The following BHMT2 variants were observed in gnomAD, a reference collection of about 807,000 sequenced individuals.
BHMT2 encodes the protein betaine--homocysteine S-methyltransferase 2.
Under a neutral mutation model 39.0 loss-of-function variants are expected in BHMT2, and 28 were observed. The ratio of observed to expected loss-of-function variants is 0.72; its 90% CI spans 0.53 to 0.98. The LOEUF (loss-of-function observed/expected upper bound fraction) is 0.98, where lower values mean the gene tolerates loss of function less well. BHMT2 is among the 50% of genes least tolerant of loss of function. BHMT2 has a pLI of 0.00. For synonymous variants in BHMT2, 145 were observed against 160.6 expected (o/e 0.90, Z 0.74); for missense variants, 410 against 455.6 (o/e 0.90, Z 0.91).
chr5:79,083,610 T>C lies in BHMT2; in HGVS notation c.782-18T>C, dbSNP rs370564670. 1.1e-5 allele frequency: 18 copies of C among 1,612,616 alleles called. No homozygotes were observed. The African/African-American group carries it at 2.4e-4, about 22-fold the overall frequency. On this transcript the variant is annotated intron_variant, in intron 6 of 7. Transcript: ENST00000255192. The stretch of plus-strand genomic sequence containing the variant: ...AATGAGAACAGTAACAGAAATGCTG[T>C]TAACTATTGTGATTCAGGACTGGAG...
Position 79,080,869 on chromosome 5 carries a change from G to T in BHMT2, c.441G>T (p.Leu147Phe), listed in dbSNP as rs780305116. ...TTGCCTGGAAAAATGTGGACTTCTT[G>T]ATTGCAGAGGTGAGGCTAGTATTGG... ...EVFAWKNVDF[L>F]IAEYFEHVEE... The change falls in exon 4 of 8, where the codon TTG (leucine) becomes TTT (phenylalanine). Residue 147 changes from leucine to phenylalanine, a missense_variant. Transcript: ENST00000255192. 6.3e-7 allele frequency: 1 copy of T among 1,593,206 alleles called. No homozygotes were observed. Among genetic ancestry groups the T allele is most frequent in the East Asian group, 2.3e-5 (1 of 44,052 alleles).
chr5:79,076,313 G>A (rs113494084), intron 1 of BHMT2, among the ~76,000 whole-genome samples: 1,539 of 152,150 alleles, frequency 0.01, 17 homozygotes, highest in African/African-American at 0.029. Context: ...TCCTCTCAAC[G>A]TCCAGCTGCT....
chr5:79,078,059 A>C (rs1755710946), intron 2 of BHMT2: 1 of 152,816 alleles, frequency 6.5e-6, no homozygotes. Context: ...ATGAATATTT[A>C]CCTTGTAGAT....
intron 7 of BHMT2, among the ~76,000 whole-genome samples, chr5:79,086,405 T>G (rs796376683): frequency 3.9e-4 from 60 of 152,174 alleles, no homozygotes; most frequent in African/African-American, 1.4e-3. Flanking sequence ...GCCACCTCCT[T>G]TTAACTTCTG....
At chr5:79,082,120 A>T (rs894933652) in intron 4 of BHMT2, among the ~76,000 whole-genome samples, 5 of 152,324 alleles carry the variant, frequency 3.3e-5, no homozygotes, top group African/African-American at 1.2e-4. Context: ...CTAACTCAAG[A>T]GGGAAGAAAC....
At chr5:79,079,311 C>A in intron 2 of BHMT2, 58 bp from the exon 3 acceptor site, 1 of 1,289,582 alleles carries the variant, frequency 7.8e-7, no homozygotes, top group South Asian at 1.2e-5. Context: ...AAAATGATAG[C>A]TTCTGTAATA....
At chr5:79,074,103 T>C (rs1755628961) in intron 1 of BHMT2, among the ~76,000 whole-genome samples, 3 of 152,228 alleles carry the variant, frequency 2.0e-5, no homozygotes, top group African/African-American at 7.2e-5. Flanking sequence ...CTTCTCTTAG[T>C]TGTGGCAGAG....
At chr5:79,087,277 T>TACCAGCCAAAG (rs1755919974) in intron 7 of BHMT2, among the ~76,000 whole-genome samples, 1 of 151,958 alleles carries the variant, frequency 6.6e-6, no homozygotes, top group East Asian at 1.9e-4. Context: ...AAAGCTTTCT[T>TACCAGCCAAAG]CTAGGAGATA....
rs761853690 is a variant in BHMT2, at chr5:79,083,331, CTG to C, written c.741_742del (p.Cys247TrpfsTer47). ...AGCCTCTGGGGTTCCACGCGCCTGA[CTG>C]TGGCAAAGAGGGGTTTGTGGATCTC... is the stretch of plus-strand genomic sequence containing the variant. ...VQPLGFHAPDCGKEGFVDLPE... is the reference protein window; with the variant it reads ...VQPLGFHAPDXGKEGFVDLPE... On this transcript the variant is annotated frameshift_variant, in exon 6 of 8. Transcript: ENST00000255192. LOFTEE classifies it high-confidence loss of function. 5 of 1,610,332 alleles carry C rather than the reference CTG, an allele frequency of 3.1e-6. No individual in the cohort carries two copies. The African/African-American group carries it at 6.7e-5, about 22-fold the overall frequency.
chr5:79,084,261 T>A (rs1012969058), intron 7 of BHMT2, among the ~76,000 whole-genome samples: 1 of 151,800 alleles, frequency 6.6e-6, no homozygotes, highest in Non-Finnish European at 1.5e-5. Flanking sequence ...GGGCCTCTTG[T>A]CTTTTTTGTT....
chr5:79,070,089 C>G (rs1302345965), intron 1 of BHMT2, among the ~76,000 whole-genome samples: 1 of 152,192 alleles, frequency 6.6e-6, no homozygotes, highest in Non-Finnish European at 1.5e-5. Context: ...TGAGGCTCGG[C>G]GAGTCAGGCG....
At chr5:79,069,868 C>A (rs868724472) in intron 1 of BHMT2, 53 bp downstream of exon 1, 4 of 1,345,338 alleles carry the variant, frequency 3.0e-6, no homozygotes, top group Middle Eastern at 3.9e-4. Context: ...GGGCTGCGAG[C>A]GACTCCGTTC....
intron 7 of BHMT2, among the ~76,000 whole-genome samples, chr5:79,086,899 A>G (rs1031016134): frequency 1.3e-5 from 2 of 151,578 alleles, no homozygotes; most frequent in Non-Finnish European, 2.9e-5. Flanking sequence ...TGGGGCCTCA[A>G]GAAAATTACT....
chr5:79,083,168 T>C, intron 5 of BHMT2, 24 bp from the exon 6 acceptor site: 1 of 1,611,018 alleles, frequency 6.2e-7, no homozygotes, highest in Non-Finnish European at 8.5e-7. Flanking sequence ...AATAATAAAA[T>C]GTAAGTGTTA....
At chr5:79,082,372 G>A (rs1258760742) in intron 4 of BHMT2, 1 of 158,882 alleles carries the variant, frequency 6.3e-6, no homozygotes, top group Non-Finnish European at 1.4e-5. Context: ...AACTAGAAGT[G>A]AATATAAAAG....
At chr5:79,087,989 G>C (rs1734881934) in intron 7 of BHMT2, among the ~76,000 whole-genome samples, 1 of 152,136 alleles carries the variant, frequency 6.6e-6, no homozygotes, top group Non-Finnish European at 1.5e-5. Context: ...AGACTAGCCT[G>C]GGCAACATGG....
chr5:79,074,944 A>T (rs1056316448), intron 1 of BHMT2, among the ~76,000 whole-genome samples: 3 of 152,034 alleles, frequency 2.0e-5, no homozygotes, highest in African/African-American at 7.3e-5. Context: ...TATGAACGTG[A>T]CTCTGATCCA....
At position 79,080,770 on chromosome 5, in the gene BHMT2, C is replaced by T; in HGVS notation, c.342C>T (p.Cys114=). Reference sequence around the variant, plus strand: ...ATGCTTTGGTAGCAGGGGGGATCTGCCAGACATCAATATACAAATACCAGA... The same window carrying T: ...ATGCTTTGGTAGCAGGGGGGATCTGTCAGACATCAATATACAAATACCAGA... The part of the protein sequence containing the change: ...KGDALVAGGI[C]QTSIYKYQKD... The change falls in exon 4 of 8, where the codon TGC becomes TGT. Residue 114 remains cysteine, a synonymous_variant. Transcript: ENST00000255192. 1 of 1,604,724 alleles carries T rather than the reference C, an allele frequency of 6.2e-7. No individual in the cohort carries two copies. The highest frequency in any genetic ancestry group is 8.5e-7 in the Non-Finnish European group (1 of 1,176,864).
chr5:79,087,039 T>C (rs929656929), intron 7 of BHMT2, among the ~76,000 whole-genome samples: 5 of 146,582 alleles, frequency 3.4e-5, no homozygotes, highest in Admixed American at 6.8e-5. Flanking sequence ...TATATATATA[T>C]ATACATATGT....
Sources: gnomAD v4.1 joint callset for allele counts (sites outside exome capture counted in the v4.1 genomes callset) on GRCh38, gnomAD v4.1.1 for gene constraint, MANE v1.5 for transcripts, NCBI Gene and HGNC (gene_info 2026-07-23, HGNC 2026-07-21) for gene names.